Variants in EML6 observed in about 807,000 individuals in gnomAD.
The protein encoded by EML6 is EMAP like 6.
EML6 carries 154 observed loss-of-function variants against 240.1 expected under a neutral mutation model. That is an observed-to-expected ratio of 0.64 (90% CI 0.56 to 0.73). The LOEUF is 0.73. Among genes scored for constraint, EML6 ranks in the 30% least tolerant of loss-of-function variants. The pLI, the probability that EML6 is intolerant of heterozygous loss-of-function variation, is 0.00. For missense variants in EML6, 2,964 were observed against 2,474.6 expected, an observed-to-expected ratio of 1.20 and a Z score of -4.20; for synonymous variants, 1,148 against 899.0, an observed-to-expected ratio of 1.28 and a Z score of -4.95.
At chr2:54,967,218 C>CT in intron 39 of EML6, 115 bp downstream of exon 39, 1 of 698,102 alleles carries the variant, frequency 1.4e-6, no homozygotes, top group Non-Finnish European at 2.4e-6. Flanking sequence ...ATGGAGCTGT[C>CT]TTTTCTTTTG....
intron 17 of EML6, among the ~76,000 whole-genome samples, chr2:54,890,157 C>T (rs1201192882): frequency 6.6e-6 from 1 of 152,066 alleles, no homozygotes; most frequent in African/African-American, 2.4e-5. Flanking sequence ...TATGATTTTT[C>T]TCTTTACATC....
intron 16 of EML6, among the ~76,000 whole-genome samples, chr2:54,876,027 T>G (rs1466776444): frequency 6.6e-6 from 1 of 152,230 alleles, no homozygotes; most frequent in Non-Finnish European, 1.5e-5. Context: ...AATAAAACTT[T>G]GTCTAATTCA....
rs563490650 is a variant in EML6 at position 54,724,051 on chromosome 2, A to T, written c.-514+274A>T. Among the ~76,000 whole-genome samples the T allele has an allele frequency of 1.2e-4, 18 of 152,228 alleles. No homozygotes were observed. The highest frequency in any genetic ancestry group is 1.0e-3 in the Admixed American group (16 of 15,292). On this transcript the variant is annotated intron_variant, in intron 1 of 41. Transcript: ENST00000356458. This position sits in a 1 kb window ranked among gnomAD's most constrained non-coding sequence, Gnocchi z 5.2. The stretch of plus-strand genomic sequence containing the variant: ...AGCGCAGAGGTTTCTGGGGAGAAGT[A>T]CACGATTTTTGCCACTTGTTATTTG...
intron 2 of EML6, among the ~76,000 whole-genome samples, chr2:54,783,369 T>G (rs2103860255): frequency 6.6e-6 from 1 of 152,342 alleles, no homozygotes; most frequent in South Asian, 2.1e-4. Context: ...GCTTTAAAAT[T>G]TTCCCTTTAG....
intron 2 of EML6, among the ~76,000 whole-genome samples, chr2:54,762,306 T>A (rs1187131828): frequency 6.6e-6 from 1 of 152,156 alleles, no homozygotes; most frequent in African/African-American, 2.4e-5. Context: ...AGTGATAGTG[T>A]GTCCTCCTCA....
At chr2:54,892,015 A>G (rs1672494742) in intron 18 of EML6, among the ~76,000 whole-genome samples, 2 of 152,176 alleles carry the variant, frequency 1.3e-5, no homozygotes. Context: ...ATTTACAGTC[A>G]GTACTATTTT....
chr2:54,737,482 A>G (rs1049121267), intron 2 of EML6, among the ~76,000 whole-genome samples: 3 of 152,162 alleles, frequency 2.0e-5, no homozygotes, highest in African/African-American at 7.2e-5. Context: ...TATTTTTAGT[A>G]GAGTCAGGGT....
Position 54,907,336 on chromosome 2 carries a change from A to G in EML6, c.3410-3618A>G, listed in dbSNP as rs955740611. On this transcript the variant is annotated intron_variant, in intron 24 of 41. Coordinates refer to ENST00000356458, the MANE Select transcript of EML6 (RefSeq NM_001039753.4). Reference sequence around the variant, plus strand: ...AGCCTGGCCAAAATGGTGAAACCCTATCTCTACTAAAATTACAAAAATCAG... The same window carrying G: ...AGCCTGGCCAAAATGGTGAAACCCTGTCTCTACTAAAATTACAAAAATCAG... Among the ~76,000 whole-genome samples the G allele has an allele frequency of 1.3e-5, 2 of 152,044 alleles. 1 individual carries two copies. The highest frequency in any genetic ancestry group is 1.3e-4 in the Admixed American group (2 of 15,260).
intron 2 of EML6, among the ~76,000 whole-genome samples, chr2:54,780,704 A>G (rs1348425377): frequency 6.6e-6 from 1 of 152,254 alleles, no homozygotes; most frequent in Non-Finnish European, 1.5e-5. Context: ...AATATTTGCA[A>G]TCTGGCTATA....
At chr2:54,914,554 T>A (rs1195856935) in intron 25 of EML6, among the ~76,000 whole-genome samples, 2 of 31,064 alleles carry the variant, frequency 6.4e-5, no homozygotes, top group East Asian at 1.8e-3. Flanking sequence ...AGGCTCTTGC[T>A]CTGAAGAGTT....
intron 32 of EML6, among the ~76,000 whole-genome samples, chr2:54,957,088 A>G (rs1333328101): frequency 6.6e-6 from 1 of 152,138 alleles, no homozygotes. Flanking sequence ...TCTGCACTGC[A>G]CCTTCTGAAA....
At chr2:54,945,823 G>A (rs1003732809) in intron 28 of EML6, among the ~76,000 whole-genome samples, 3 of 152,242 alleles carry the variant, frequency 2.0e-5, no homozygotes, top group African/African-American at 7.2e-5. Context: ...CACATCTTTA[G>A]TTGAGTCTAA....
chr2:54,926,603 A>G (rs1160355318), intron 26 of EML6, among the ~76,000 whole-genome samples: 1 of 152,232 alleles, frequency 6.6e-6, no homozygotes, highest in Non-Finnish European at 1.5e-5. Context: ...CATCCCTGCC[A>G]GTGTCTTTCT....
intron 2 of EML6, among the ~76,000 whole-genome samples, chr2:54,738,407 T>C (rs1683491337): frequency 6.6e-6 from 1 of 152,218 alleles, no homozygotes; most frequent in South Asian, 2.1e-4. Context: ...GCTTGTTTGT[T>C]CTGTTTTACA....
At chr2:54,738,399 T>G (rs1404990346) in intron 2 of EML6, among the ~76,000 whole-genome samples, 1 of 152,232 alleles carries the variant, frequency 6.6e-6, no homozygotes, top group Non-Finnish European at 1.5e-5. Flanking sequence ...AATAATAGGC[T>G]TGTTTGTTCT....
chr2:54,894,078 T>A (rs2104125646), intron 19 of EML6, among the ~76,000 whole-genome samples: 1 of 152,256 alleles, frequency 6.6e-6, no homozygotes, highest in African/African-American at 2.4e-5. Flanking sequence ...TGGGTACAAA[T>A]TCTATATAAG....
At chr2:54,744,687 C>T (rs1176654463) in intron 2 of EML6, among the ~76,000 whole-genome samples, 1 of 151,076 alleles carries the variant, frequency 6.6e-6, no homozygotes, top group African/African-American at 2.4e-5. Flanking sequence ...AGTTGTGGGT[C>T]AGTTAGGGGA....
rs912622001 is a variant in EML6 at position 54,874,604 on chromosome 2, A to G, written c.2344+2999A>G. On this transcript the variant is annotated intron_variant, in intron 16 of 41. Transcript: ENST00000356458. ...TATAAATGGTAGAAAGGAATCTGATAGTTTTAGAAAGTACTAATACTAAGG... is the reference window on the plus strand; with the variant it reads ...TATAAATGGTAGAAAGGAATCTGATGGTTTTAGAAAGTACTAATACTAAGG... 2.0e-5 allele frequency among the ~76,000 whole-genome samples: 3 copies of G among 152,204 alleles called. No individual in the cohort carries two copies. The South Asian group carries it at 6.2e-4, about 32-fold the overall frequency.
At chr2:54,859,440 A>T (rs1292598636) in intron 11 of EML6, 94 bp from the exon 12 acceptor site, 2 of 950,062 alleles carry the variant, frequency 2.1e-6, no homozygotes, top group Non-Finnish European at 3.2e-6. Flanking sequence ...ATATTTAAAG[A>T]TTTTACTCTT....
Sources: gnomAD v4.1 joint callset for allele counts (sites outside exome capture counted in the v4.1 genomes callset) on GRCh38, gnomAD v4.1.1 for gene constraint, Gnocchi (gnomAD v3.1) non-coding constraint, MANE v1.5 for transcripts, NCBI Gene and HGNC (gene_info 2026-07-23, HGNC 2026-07-21) for gene names.